The following KCNT2 variants were observed in gnomAD, a reference collection of about 807,000 sequenced individuals.
KCNT2 encodes the protein potassium channel subfamily T member 2.
Under a neutral mutation model 153.8 loss-of-function variants are expected in KCNT2, and 67 were observed. That is an observed-to-expected ratio of 0.44 (90% CI 0.36 to 0.53). KCNT2 has a LOEUF of 0.53. Among genes scored for constraint, KCNT2 ranks in the 20% least tolerant of loss-of-function variants. The pLI is 0.00. For synonymous variants in KCNT2, 500 were observed against 458.8 expected (o/e 1.09, Z -1.15); for missense variants, 975 against 1,354.8 (o/e 0.72, Z 4.40).
At chr1:196,595,429 A>G (rs909695051) in intron 1 of KCNT2, among the ~76,000 whole-genome samples, 2 of 152,048 alleles carry the variant, frequency 1.3e-5, no homozygotes, top group African/African-American at 2.4e-5. Context: ...TGCTTTATAT[A>G]TATCTCTATC....
chr1:196,272,735 G>A (rs1179457864), intron 25 of KCNT2, among the ~76,000 whole-genome samples: 3 of 151,832 alleles, frequency 2.0e-5, no homozygotes, highest in Admixed American at 6.6e-5. Flanking sequence ...TTCACTCAGC[G>A]TAATCTTGTC....
At position 196,356,396 on chromosome 1, in the gene KCNT2, T is replaced by C. The variant is rs1044011098; in HGVS notation, c.1404-14168A>G. Among the ~76,000 whole-genome samples, 4 of 151,850 alleles carry C rather than the reference T, an allele frequency of 2.6e-5. 1 individual carries two copies. The highest frequency in any genetic ancestry group is 9.6e-5 in the African/African-American group (4 of 41,506). On this transcript the variant is annotated intron_variant, in intron 14 of 27. Coordinates refer to ENST00000294725, the MANE Select transcript of KCNT2 (RefSeq NM_198503.5). ...CAAAGTCCTAACATGGTACCTTACATAGTATGGATGCATATGATGATTATT... is the reference window on the plus strand; with the variant it reads ...CAAAGTCCTAACATGGTACCTTACACAGTATGGATGCATATGATGATTATT...
intron 23 of KCNT2, among the ~76,000 whole-genome samples, chr1:196,283,201 T>C (rs1038120664): frequency 1.3e-5 from 2 of 152,132 alleles, no homozygotes; most frequent in African/African-American, 4.8e-5. Context: ...CCCAGCACTC[T>C]GGGAGGCCCA....
intron 25 of KCNT2, among the ~76,000 whole-genome samples, chr1:196,266,528 T>C (rs1657557556): frequency 6.6e-6 from 1 of 152,058 alleles, no homozygotes; most frequent in Non-Finnish European, 1.5e-5. Context: ...TTAAAGTAAA[T>C]CAAATCAAAT....
At chr1:196,332,567 C>T (rs1364672632) in intron 17 of KCNT2, among the ~76,000 whole-genome samples, 1 of 152,104 alleles carries the variant, frequency 6.6e-6, no homozygotes, top group African/African-American at 2.4e-5. Context: ...CTTGAATTTA[C>T]ATTTTATGAA....
chr1:196,398,744 T>A, intron 12 of KCNT2, 73 bp from the exon 13 acceptor site: 5 of 785,044 alleles, frequency 6.4e-6, no homozygotes, highest in Non-Finnish European at 8.3e-6. Context: ...AAGTAAGCAA[T>A]CAGTTTGCTT....
At chr1:196,234,892 G>A (rs1047493072) in intron 27 of KCNT2, among the ~76,000 whole-genome samples, 4 of 151,252 alleles carry the variant, frequency 2.6e-5, no homozygotes, top group Non-Finnish European at 5.9e-5. Flanking sequence ...ACAATCTATA[G>A]TTAGTTACCC....
At chr1:196,547,560 C>T (rs1657273862) in intron 1 of KCNT2, among the ~76,000 whole-genome samples, 1 of 151,906 alleles carries the variant, frequency 6.6e-6, no homozygotes, top group Non-Finnish European at 1.5e-5. Flanking sequence ...TTGTTTCTAT[C>T]AACTTAAATA....
At chr1:196,449,533 T>A (rs1376727237) in intron 8 of KCNT2, among the ~76,000 whole-genome samples, 2 of 151,680 alleles carry the variant, frequency 1.3e-5, no homozygotes, top group African/African-American at 2.4e-5. Flanking sequence ...GGAGATATCA[T>A]CAGTTTAAGC....
intron 11 of KCNT2, among the ~76,000 whole-genome samples, chr1:196,424,002 T>C (rs1449159000): frequency 6.6e-6 from 1 of 151,892 alleles, no homozygotes; most frequent in East Asian, 1.9e-4. Context: ...AAATATTTTA[T>C]AGGAAGCTAA....
chr1:196,265,109 C>G (rs888666744), intron 25 of KCNT2, among the ~76,000 whole-genome samples: 2 of 152,154 alleles, frequency 1.3e-5, no homozygotes, highest in Non-Finnish European at 2.9e-5. Flanking sequence ...TCAGTCTCAA[C>G]AGGACTGGAT....
chr1:196,327,371 C>T (rs1220680755), intron 18 of KCNT2, among the ~76,000 whole-genome samples: 2 of 151,294 alleles, frequency 1.3e-5, no homozygotes, highest in Non-Finnish European at 2.9e-5. Context: ...TTTGAGCTGG[C>T]ACGATAATGA....
At chr1:196,283,926 C>T (rs917240978) in intron 23 of KCNT2, among the ~76,000 whole-genome samples, 2 of 151,694 alleles carry the variant, frequency 1.3e-5, no homozygotes, top group African/African-American at 4.8e-5. Context: ...AATATGTTTA[C>T]TGTGTCAAAA....
intron 14 of KCNT2, among the ~76,000 whole-genome samples, chr1:196,370,492 G>A (rs1307164695): frequency 6.6e-6 from 1 of 151,994 alleles, no homozygotes; most frequent in Non-Finnish European, 1.5e-5. Flanking sequence ...ATTAGTCAGA[G>A]TACTGGGTAA....
intron 14 of KCNT2, among the ~76,000 whole-genome samples, chr1:196,349,977 G>T (rs532580341): frequency 6.6e-6 from 1 of 151,912 alleles, no homozygotes; most frequent in Admixed American, 6.6e-5. Flanking sequence ...TTGTCCTTGC[G>T]ATAGTTTACT....
chr1:196,286,214 T>C (rs570232344), intron 22 of KCNT2, among the ~76,000 whole-genome samples: 3 of 152,242 alleles, frequency 2.0e-5, no homozygotes, highest in South Asian at 2.1e-4. Context: ...AATTCATACA[T>C]TGAAATCCTA....
At position 196,580,101 on chromosome 1, in the gene KCNT2, G is replaced by A. The variant is rs1661850744; in HGVS notation, c.95+28114C>T. Reference sequence around the variant, plus strand: ...GAAACCATTTCTAGGGAAGCTTCTGGAAAATGTGCTTCACCAATACAAAAG... The same window carrying A: ...GAAACCATTTCTAGGGAAGCTTCTGAAAAATGTGCTTCACCAATACAAAAG... On this transcript the variant is annotated intron_variant, in intron 1 of 27. Transcript: ENST00000294725. Among the ~76,000 whole-genome samples, 2 of 152,068 alleles carry A rather than the reference G, an allele frequency of 1.3e-5. 1 individual carries two copies. Among genetic ancestry groups the A allele is most frequent in the South Asian group, 4.1e-4 (2 of 4,828 alleles).
intron 14 of KCNT2, among the ~76,000 whole-genome samples, chr1:196,365,044 A>G (rs1417900124): frequency 9.2e-5 from 14 of 152,062 alleles, no homozygotes; most frequent in African/African-American, 3.4e-4. Context: ...TCAAATATAC[A>G]TTCATATCAT....
At chr1:196,490,543 A>G (rs2148728811) in intron 2 of KCNT2, among the ~76,000 whole-genome samples, 1 of 149,502 alleles carries the variant, frequency 6.7e-6, no homozygotes, top group African/African-American at 2.4e-5. Context: ...TGAGAAACAC[A>G]CACACGATCA....
Sources: gnomAD v4.1 joint callset for allele counts (sites outside exome capture counted in the v4.1 genomes callset) on GRCh38, gnomAD v4.1.1 for gene constraint, MANE v1.5 for transcripts, NCBI Gene and HGNC (gene_info 2026-07-23, HGNC 2026-07-21) for gene names.